FER: variants seen among roughly 807,000 people sequenced by gnomAD.
FER encodes the protein FER tyrosine kinase.
A neutral mutation model predicts 111.0 loss-of-function variants in FER; 63 were observed. The ratio of observed to expected loss-of-function variants is 0.57; its 90% CI spans 0.46 to 0.70. The LOEUF (loss-of-function observed/expected upper bound fraction) is 0.70, where lower values mean the gene tolerates loss of function less well. Among genes scored for constraint, FER ranks in the 30% least tolerant of loss-of-function variants. The pLI is 0.00. For synonymous variants in FER, 327 were observed against 313.9 expected, an observed-to-expected ratio of 1.04 and a Z score of -0.44; for missense variants, 914 against 954.0, an observed-to-expected ratio of 0.96 and a Z score of 0.55.
At chr5:109,089,316 G>A (rs1777907376) in intron 16 of FER, among the ~76,000 whole-genome samples, 1 of 152,104 alleles carries the variant, frequency 6.6e-6, no homozygotes, top group Non-Finnish European at 1.5e-5. Flanking sequence ...CCACTAAGAT[G>A]GAATTGTTAC....
chr5:108,949,311 G>C (rs1333580726), intron 11 of FER, among the ~76,000 whole-genome samples: 5 of 151,960 alleles, frequency 3.3e-5, no homozygotes, highest in African/African-American at 1.2e-4. Context: ...GTCAAGTTCA[G>C]GTTAAATAGT....
chr5:109,175,982 AAAACAAAC>A (rs142754402), intron 17 of FER, among the ~76,000 whole-genome samples: 3,589 of 152,294 alleles, frequency 0.024, 70 homozygotes, highest in East Asian at 0.074. Flanking sequence ...CCATCTCCAA[AAAACAAAC>A]AAACAAACAA....
chr5:108,806,625 C>G (rs1259024913), intron 3 of FER, among the ~76,000 whole-genome samples: 1 of 152,206 alleles, frequency 6.6e-6, no homozygotes, highest in Non-Finnish European at 1.5e-5. Context: ...GGATGCAAGA[C>G]ATGGAGTCAA....
chr5:108,777,672 T>A (rs1362918100), intron 2 of FER, among the ~76,000 whole-genome samples: 1 of 152,196 alleles, frequency 6.6e-6, no homozygotes, highest in Non-Finnish European at 1.5e-5. Flanking sequence ...AAGACATACC[T>A]GAGACTGGGA....
intron 13 of FER, among the ~76,000 whole-genome samples, chr5:108,998,272 G>T (rs1490812619): frequency 6.6e-6 from 1 of 151,390 alleles, no homozygotes; most frequent in Non-Finnish European, 1.5e-5. Flanking sequence ...CAGGGCCCTC[G>T]TTGCCTAGCC....
chr5:108,768,666 A>G (rs932113760), intron 2 of FER, among the ~76,000 whole-genome samples: 1 of 152,118 alleles, frequency 6.6e-6, no homozygotes, highest in South Asian at 2.1e-4. Context: ...TCATTAATTC[A>G]TTTGAGGTAC....
chr5:108,985,575 T>C lies in FER; in HGVS notation c.1656+26228T>C, dbSNP rs554546396. 1.7e-4 allele frequency among the ~76,000 whole-genome samples: 26 copies of C among 152,262 alleles called. No individual in the cohort carries two copies. In the South Asian group the frequency reaches 5.0e-3, roughly 29 times the overall value. On this transcript the variant is annotated intron_variant, in intron 13 of 19. Coordinates refer to ENST00000281092, the MANE Select transcript of FER (RefSeq NM_005246.4). ...ACGCTGTACCCAGTGTGTAGTCTTA[T>C]ATCCCTGATTCCCTCCCACCATTTC... is the stretch of plus-strand genomic sequence containing the variant.
intron 4 of FER, among the ~76,000 whole-genome samples, chr5:108,834,403 A>T (rs1164706546): frequency 6.6e-6 from 1 of 152,168 alleles, no homozygotes; most frequent in East Asian, 1.9e-4. Context: ...TCAATCTATT[A>T]AAAAAGTTTT....
chr5:108,971,792 T>TA lies in FER; in HGVS notation c.1656+12445_1656+12446insA, dbSNP rs1249381869. 2.6e-5 allele frequency among the ~76,000 whole-genome samples: 4 copies of TA among 152,236 alleles called. No homozygotes were observed. In the East Asian group the frequency reaches 7.7e-4, roughly 29 times the overall value. On this transcript the variant is annotated intron_variant, in intron 13 of 19. Transcript: ENST00000281092. ...TTAATAAAAATTAGCATTAAATACATTAAAAAGTTTAAACAACTCAGAATA... is the reference window on the plus strand; with the variant it reads ...TTAATAAAAATTAGCATTAAATACATATAAAAAGTTTAAACAACTCAGAATA...
At chr5:108,827,715 C>T (rs543411811) in intron 3 of FER, among the ~76,000 whole-genome samples, 15 of 151,376 alleles carry the variant, frequency 9.9e-5, no homozygotes, top group Admixed American at 3.3e-4. Context: ...CTGTTTCATA[C>T]GTATTGCATA....
intron 3 of FER, among the ~76,000 whole-genome samples, chr5:108,804,582 A>G (rs897437555): frequency 6.6e-6 from 1 of 152,176 alleles, no homozygotes; most frequent in African/African-American, 2.4e-5. Flanking sequence ...TCAATCATCA[A>G]TTGAGATTAT....
intron 1 of FER, among the ~76,000 whole-genome samples, chr5:108,755,119 A>C (rs1483484022): frequency 2.0e-5 from 3 of 152,100 alleles, no homozygotes; most frequent in African/African-American, 4.8e-5. Flanking sequence ...AAAGCTATTA[A>C]TTTTTTTGCT....
In FER at chr5:109,194,271, T is replaced by C. The variant is rs1759580557; in HGVS notation, c.*6696T>C. On this transcript the variant is annotated 3_prime_UTR_variant, in exon 20 of 20. Transcript: ENST00000281092. ...CAGCAAATGTCTGAAAGTATTTCAATTGTGTAATGTTAAGGAGTTTTTTCA... is the reference window on the plus strand; with the variant it reads ...CAGCAAATGTCTGAAAGTATTTCAACTGTGTAATGTTAAGGAGTTTTTTCA... The C allele has an allele frequency of 6.6e-6, 1 of 152,200 alleles. No homozygotes were observed. The highest frequency in any genetic ancestry group is 2.1e-4 in the South Asian group (1 of 4,834). The allele number at this position is 152,200 out of a possible 1,614,324, so 9.4% of individuals were successfully genotyped here.
chr5:109,051,615 A>C, intron 16 of FER: 1 of 1,600,044 alleles, frequency 6.2e-7, no homozygotes, highest in Non-Finnish European at 8.6e-7. Context: ...ACCCAGGAAG[A>C]GACATAGGCG....
intron 5 of FER, among the ~76,000 whole-genome samples, chr5:108,861,527 A>T (rs943212464): frequency 6.6e-6 from 1 of 152,196 alleles, no homozygotes; most frequent in Admixed American, 6.5e-5. Context: ...GTTGATTGAC[A>T]TGTAGAACAC....
At chr5:109,185,757 G>A (rs1758788158) in intron 18 of FER, among the ~76,000 whole-genome samples, 1 of 152,178 alleles carries the variant, frequency 6.6e-6, no homozygotes, top group Non-Finnish European at 1.5e-5. Flanking sequence ...AAGACTGCAT[G>A]TCGAACTCAT....
At chr5:109,106,970 T>C (rs1358322735) in intron 17 of FER, among the ~76,000 whole-genome samples, 1 of 152,166 alleles carries the variant, frequency 6.6e-6, no homozygotes, top group Admixed American at 6.5e-5. Flanking sequence ...GTAGGAAAGA[T>C]GCAGTATATG....
chr5:108,899,842 A>G (rs1749753159), intron 10 of FER, among the ~76,000 whole-genome samples: 1 of 152,036 alleles, frequency 6.6e-6, no homozygotes, highest in South Asian at 2.1e-4. Context: ...GGAGTTTAAT[A>G]TTTCATAATC....
At chr5:108,953,622 A>T (rs1171807115) in intron 11 of FER, among the ~76,000 whole-genome samples, 1 of 152,060 alleles carries the variant, frequency 6.6e-6, no homozygotes, top group Non-Finnish European at 1.5e-5. Context: ...CGAAACAATA[A>T]AGGCTATGTT....
Sources: gnomAD v4.1 joint callset for allele counts (sites outside exome capture counted in the v4.1 genomes callset) on GRCh38, gnomAD v4.1.1 for gene constraint, MANE v1.5 for transcripts, NCBI Gene and HGNC (gene_info 2026-07-23, HGNC 2026-07-21) for gene names.